NAV3: variants seen among roughly 807,000 people sequenced by gnomAD.
NAV3 encodes the protein neuron navigator 3.
NAV3 carries 87 observed loss-of-function variants against 244.7 expected under a neutral mutation model. The ratio of observed to expected loss-of-function variants is 0.36; its 90% CI spans 0.30 to 0.42. The LOEUF (loss-of-function observed/expected upper bound fraction) is 0.42, where lower values mean the gene tolerates loss of function less well. Among genes scored for constraint, NAV3 ranks in the 20% least tolerant of loss-of-function variants. The pLI, the probability that NAV3 is intolerant of heterozygous loss-of-function variation, is 1.00. For missense variants in NAV3, 2,663 were observed against 2,893.3 expected (o/e 0.92, Z 1.83); for synonymous variants, 1,126 against 1,042.2 (o/e 1.08, Z -1.55).
intron 1 of NAV3, among the ~76,000 whole-genome samples, chr12:77,835,169 T>G (rs1204206029): frequency 6.6e-6 from 1 of 152,142 alleles, no homozygotes; most frequent in Non-Finnish European, 1.5e-5. Context: ...GCACTCCACT[T>G]AATTAAAAAG....
In NAV3 at chr12:78,119,475, G is replaced by A. The variant is rs1330744716; in HGVS notation, c.3279G>A (p.Leu1093=). 6.2e-7 allele frequency: 1 copy of A among 1,614,058 alleles called. No individual in the cohort carries two copies. Among genetic ancestry groups the A allele is most frequent in the African/African-American group, 1.3e-5 (1 of 74,914 alleles). The part of the protein sequence containing the change: ...GATITSGSAT[L]GKIPKSAAIG... ...CCATAACAAGTGGCTCTGCAACACT[G>A]GGTAAAATTCCAAAATCTGCTGCCA... Residue 1093 remains leucine, a synonymous_variant, in exon 15 of 40, where the codon CTG becomes CTA. Coordinates refer to ENST00000397909, the MANE Select transcript of NAV3 (RefSeq NM_001024383.2).
intron 2 of NAV3, among the ~76,000 whole-genome samples, chr12:77,602,480 A>T (rs1014104441): frequency 6.6e-6 from 1 of 152,022 alleles, no homozygotes; most frequent in Admixed American, 6.6e-5. Flanking sequence ...GTGATAGAGA[A>T]ATAGATTTGA....
rs17817265 is a variant in NAV3 at position 77,940,399 on chromosome 12, A to G, written c.324A>G (p.Ala108=). 0.035 allele frequency: 56,154 copies of G among 1,613,652 alleles called. 1,152 individuals are homozygous for G. Among genetic ancestry groups the G allele is most frequent in the Middle Eastern group, 0.06 (362 of 6,060 alleles). ...RLIKDLQQDI[A]DGVLLAEIIQ... The stretch of plus-strand genomic sequence containing the variant: ...TCAAGGACTTGCAACAAGACATTGC[A>G]GATGGAGTACTCCTAGCAGAAATCA... Residue 108 remains alanine (A), a synonymous_variant, in exon 2 of 40, where the codon GCA becomes GCG. Coordinates refer to ENST00000397909, the MANE Select transcript of NAV3 (RefSeq NM_001024383.2).
chr12:77,785,837 T>C (rs1443535094), intron 2 of NAV3, among the ~76,000 whole-genome samples: 1 of 152,214 alleles, frequency 6.6e-6, no homozygotes, highest in African/African-American at 2.4e-5. Context: ...GCAAATGACA[T>C]GCTTTGGAAA....
chr12:77,940,148 GA>G, intron 1 of NAV3, 170 bp from the exon 2 acceptor site: 1 of 588,310 alleles, frequency 1.7e-6, no homozygotes, highest in East Asian at 2.8e-5. Context: ...ATAAGTTGGG[GA>G]AAGAGCTGTT....
intron 2 of NAV3, among the ~76,000 whole-genome samples, chr12:77,650,702 A>T (rs913464162): frequency 6.6e-6 from 1 of 152,096 alleles, no homozygotes; most frequent in Non-Finnish European, 1.5e-5. Flanking sequence ...TTTTTGTTTC[A>T]TGGATGTTAT....
intron 2 of NAV3, among the ~76,000 whole-genome samples, chr12:77,788,680 C>T (rs1871024568): frequency 6.6e-6 from 1 of 150,746 alleles, no homozygotes; most frequent in Non-Finnish European, 1.5e-5. Flanking sequence ...CCTTTTCTTC[C>T]TTCTTCCTTC....
intron 12 of NAV3, among the ~76,000 whole-genome samples, chr12:78,101,611 T>C (rs187975771): frequency 6.6e-6 from 1 of 152,102 alleles, no homozygotes; most frequent in Non-Finnish European, 1.5e-5. Flanking sequence ...TAATAAAACA[T>C]TTTCCCAGGA....
chr12:78,121,851 C>A (rs2138673339), intron 15 of NAV3, 89 bp from the exon 16 acceptor site: 1 of 1,510,294 alleles, frequency 6.6e-7, no homozygotes, highest in Non-Finnish European at 9.0e-7. Context: ...CATCAAAGCA[C>A]ACTTGGCTCT....
At chr12:77,659,174 C>T (rs1312112574) in intron 2 of NAV3, among the ~76,000 whole-genome samples, 1 of 151,598 alleles carries the variant, frequency 6.6e-6, no homozygotes, top group East Asian at 1.9e-4. Flanking sequence ...GAACAGGCAA[C>T]CCACAAAATG....
At chr12:77,820,424 C>T (rs529114462) in intron 2 of NAV3, among the ~76,000 whole-genome samples, 12 of 152,192 alleles carry the variant, frequency 7.9e-5, no homozygotes, top group African/African-American at 2.4e-4. Context: ...AAGAGAGGGG[C>T]GACCTCCCTC....
At chr12:77,762,196 C>T (rs1869502039) in intron 2 of NAV3, among the ~76,000 whole-genome samples, 1 of 152,116 alleles carries the variant, frequency 6.6e-6, no homozygotes, top group African/African-American at 2.4e-5. Context: ...CCAAACACCA[C>T]ATGTTCTCAC....
intron 22 of NAV3, among the ~76,000 whole-genome samples, chr12:78,153,026 G>A (rs392773): frequency 0.36 from 53,986 of 151,790 alleles, 9,934 homozygotes; most frequent in East Asian, 0.48. Flanking sequence ...TACTCAGTAT[G>A]TGACATGTAC....
At chr12:78,100,507 G>T (rs1954485597) in intron 12 of NAV3, among the ~76,000 whole-genome samples, 2 of 151,668 alleles carry the variant, frequency 1.3e-5, no homozygotes, top group African/African-American at 4.8e-5. Context: ...CCCTTCTTTT[G>T]ATTTACTTGT....
rs1378585790 is a variant in NAV3 at position 78,122,067 on chromosome 12, T to C, written c.3877T>C (p.Ser1293Pro). Residue 1293 changes from serine (S) to proline (P), a missense_variant, in exon 16 of 40, where the codon TCC becomes CCC. Physicochemically the swap from Ser to Pro is moderately conservative, Grantham distance 74 (BLOSUM62 -1). This residue lies in a region of NAV3 where 354 missense variants were observed against 413.0 expected (regional missense o/e 0.86). Coordinates refer to ENST00000397909, the MANE Select transcript of NAV3 (RefSeq NM_001024383.2). ...ARQGSLESPS[S>P]GTGSMGSAGG... ...GCAAGGCAGTCTGGAGTCACCGTCG[T>C]CCGGTACGGGCAGCATGGGCAGTGC... 1 of 1,614,188 alleles carries C rather than the reference T, an allele frequency of 6.2e-7. No homozygotes were observed. The highest frequency in any genetic ancestry group is 2.2e-5 in the East Asian group (1 of 44,866).
chr12:77,576,004 G>T (rs894250209), intron 2 of NAV3, among the ~76,000 whole-genome samples: 1 of 151,966 alleles, frequency 6.6e-6, no homozygotes, highest in Non-Finnish European at 1.5e-5. Context: ...TTTAAGATTG[G>T]TACAATCTCA....
intron 11 of NAV3, among the ~76,000 whole-genome samples, chr12:78,056,737 C>T (rs778829902): frequency 2.6e-4 from 39 of 152,062 alleles, no homozygotes; most frequent in Non-Finnish European, 4.1e-4. Flanking sequence ...TCAAAAAAAA[C>T]GTATTTATGC....
intron 2 of NAV3, among the ~76,000 whole-genome samples, chr12:77,805,178 G>A (rs1253322507): frequency 2.0e-5 from 3 of 152,096 alleles, no homozygotes; most frequent in African/African-American, 4.8e-5. Flanking sequence ...TTGCCTGATT[G>A]TCCTGCCAGA....
intron 1 of NAV3, among the ~76,000 whole-genome samples, chr12:77,881,803 C>G (rs1209973434): frequency 6.6e-6 from 1 of 152,034 alleles, no homozygotes; most frequent in African/African-American, 2.4e-5. Flanking sequence ...AGAGTCAAAT[C>G]AAGCACACAA....
Sources: gnomAD v4.1 joint callset for allele counts (sites outside exome capture counted in the v4.1 genomes callset) on GRCh38, gnomAD v4.1.1 for gene constraint, gnomAD v4.1.1 regional missense constraint, MANE v1.5 for transcripts, NCBI Gene and HGNC (gene_info 2026-07-23, HGNC 2026-07-21) for gene names.